Variants in ATR observed in about 807,000 individuals in gnomAD.
The protein encoded by ATR is serine/threonine-protein kinase ATR.
In ATR, 142 loss-of-function variants were observed where a neutral mutation model predicts 305.3. That is an observed-to-expected ratio of 0.47 (90% CI 0.41 to 0.53). ATR has a LOEUF of 0.53. ATR is among the 20% of genes least tolerant of loss of function. The pLI, the probability that ATR is intolerant of heterozygous loss-of-function variation, is 0.00. For synonymous variants in ATR, 1,050 were observed against 1,068.1 expected, an observed-to-expected ratio of 0.98 and a Z score of 0.33; for missense variants, 2,135 against 3,133.1, an observed-to-expected ratio of 0.68 and a Z score of 7.60.
In ATR at chr3:142,562,491, G is replaced by A. The variant is rs764261046; in HGVS notation, c.911C>T (p.Pro304Leu). 3.7e-6 allele frequency: 6 copies of A among 1,614,064 alleles called. No homozygotes were observed. Among genetic ancestry groups the A allele is most frequent in the Non-Finnish European group, 5.1e-6 (6 of 1,179,976 alleles). ...PLSKLIKTLF[P>L]FEAEAYRNIE... ...ATTTCTATAAGCTTCTGCTTCAAAG[G>A]GAAATAGTGTCTTTATCAGCTTTGA... Residue 304 changes from proline to leucine, a missense_variant, in exon 4 of 47, where the codon CCC becomes CTC. Pro to Leu is a moderately conservative substitution (Grantham distance 98). Coordinates refer to ENST00000350721, the MANE Select transcript of ATR (RefSeq NM_001184.4).
At chr3:142,500,182 G>A (rs2108345567) in intron 30 of ATR, 1 of 165,834 alleles carries the variant, frequency 6.0e-6, no homozygotes, top group East Asian at 1.8e-4. Flanking sequence ...CTTACGGACA[G>A]TTGGGAGGTA....
intron 35 of ATR, among the ~76,000 whole-genome samples, chr3:142,487,919 T>A (rs74427474): frequency 6.6e-6 from 1 of 152,214 alleles, no homozygotes; most frequent in Non-Finnish European, 1.5e-5. Context: ...TACAACAACA[T>A]TTATTGAAAA....
chr3:142,540,481 T>C (rs1349277171), intron 18 of ATR, among the ~76,000 whole-genome samples: 1 of 152,220 alleles, frequency 6.6e-6, no homozygotes, highest in African/African-American at 2.4e-5. Flanking sequence ...TAGATATTTC[T>C]ATTAATCCTG....
intron 36 of ATR, among the ~76,000 whole-genome samples, chr3:142,477,405 T>C (rs528756755): frequency 1.2e-4 from 18 of 152,162 alleles, no homozygotes; most frequent in Non-Finnish European, 2.1e-4. Flanking sequence ...TGTTGATTTG[T>C]GTATGTTGAA....
At chr3:142,472,939 C>G (rs141539090) in intron 36 of ATR, among the ~76,000 whole-genome samples, 41 of 152,232 alleles carry the variant, frequency 2.7e-4, no homozygotes, top group African/African-American at 9.1e-4. Flanking sequence ...CATGCCTGGC[C>G]AGGTGATTTG....
intron 25 of ATR, 26 bp from the exon 26 acceptor site, chr3:142,513,664 T>C (rs771672962): frequency 6.2e-7 from 1 of 1,609,776 alleles, no homozygotes; most frequent in South Asian, 1.1e-5. Flanking sequence ...GTGTAGACAG[T>C]AACACACTTT....
At chr3:142,522,053 G>T (rs2033169325) in intron 23 of ATR, among the ~76,000 whole-genome samples, 1 of 152,130 alleles carries the variant, frequency 6.6e-6, no homozygotes, top group Non-Finnish European at 1.5e-5. Flanking sequence ...ATTTTTTTAA[G>T]AAATTGCCAC....
chr3:142,568,979 G>A (rs1344155516), intron 1 of ATR, among the ~76,000 whole-genome samples: 1 of 152,140 alleles, frequency 6.6e-6, no homozygotes, highest in Non-Finnish European at 1.5e-5. Context: ...CAGGTTGATG[G>A]CAGCAGGAAG....
intron 8 of ATR, 79 bp downstream of exon 8, chr3:142,558,545 A>ATAG: frequency 9.6e-7 from 1 of 1,042,442 alleles, no homozygotes. Flanking sequence ...TAAATAAATA[A>ATAG]ATAAATAAAT....
chr3:142,465,881 C>T lies in ATR; in HGVS notation c.6897+443G>A, dbSNP rs567608013. On this transcript the variant is annotated intron_variant, in intron 40 of 46. Coordinates refer to ENST00000350721, the MANE Select transcript of ATR (RefSeq NM_001184.4). Reference sequence around the variant, plus strand: ...ATTAGCTGGGCATGGTGACATGCACCTGTAGTCCCAGCTACTCAGGAGGCT... The same window carrying T: ...ATTAGCTGGGCATGGTGACATGCACTTGTAGTCCCAGCTACTCAGGAGGCT... The T allele has an allele frequency of 1.2e-4, 22 of 182,222 alleles. No homozygotes were observed. In the South Asian group the frequency reaches 2.4e-3, roughly 20 times the overall value. The allele number at this position is 182,222 out of a possible 1,614,324, so 11.3% of individuals were successfully genotyped here. A position where few individuals can be genotyped will look rare whatever the true frequency, so the allele number is the denominator to read the frequency against.
intron 25 of ATR, 143 bp from the exon 26 acceptor site, chr3:142,513,781 T>C (rs2108375978): frequency 1.0e-6 from 1 of 960,220 alleles, no homozygotes; most frequent in African/African-American, 1.7e-5. Context: ...AATTAAATTA[T>C]TTGGGGTTAA....
Position 142,450,536 on chromosome 3 carries a change from G to A in ATR, c.7762-934C>T, listed in dbSNP as rs1393099922. On this transcript the variant is annotated intron_variant, in intron 46 of 46. Coordinates refer to ENST00000350721, the MANE Select transcript of ATR (RefSeq NM_001184.4). ...GCTATTTCTCATATCCAGAAAATCA[G>A]ATCAAGGGAAGTACCCTTTGAAGCA... 5 of 1,606,388 alleles carry A rather than the reference G, an allele frequency of 3.1e-6. No individual in the cohort carries two copies. The East Asian group carries it at 1.1e-4, about 36-fold the overall frequency.
At chr3:142,502,265 C>T (rs1241357703) in intron 30 of ATR, among the ~76,000 whole-genome samples, 3 of 152,154 alleles carry the variant, frequency 2.0e-5, no homozygotes, top group South Asian at 2.1e-4. Context: ...TACATACACT[C>T]GTATGTTCAT....
intron 36 of ATR, among the ~76,000 whole-genome samples, chr3:142,475,344 C>A (rs538753848): frequency 7.2e-5 from 11 of 152,048 alleles, no homozygotes; most frequent in African/African-American, 2.7e-4. Context: ...TGAGAACATG[C>A]GGTGTTTGGT....
At chr3:142,572,065 CCTTTT>C (rs2035283815) in intron 1 of ATR, among the ~76,000 whole-genome samples, 1 of 149,526 alleles carries the variant, frequency 6.7e-6, no homozygotes, top group Non-Finnish European at 1.5e-5. Flanking sequence ...CGCACCCGGC[CCTTTT>C]TCTTTTTTTT....
chr3:142,537,855 A>G (rs2108430931), intron 19 of ATR, among the ~76,000 whole-genome samples: 1 of 152,334 alleles, frequency 6.6e-6, no homozygotes, highest in African/African-American at 2.4e-5. Flanking sequence ...CACACTGGCT[A>G]TAGCCTAATG....
intron 27 of ATR, among the ~76,000 whole-genome samples, chr3:142,508,366 T>C (rs1234401539): frequency 6.6e-6 from 1 of 152,186 alleles, no homozygotes. Context: ...AGGAAAATGT[T>C]AGTACCTGTC....
intron 10 of ATR, 22 bp downstream of exon 10, chr3:142,555,855 T>C (rs2108470072): frequency 1.3e-6 from 2 of 1,595,734 alleles, no homozygotes; most frequent in South Asian, 2.3e-5. Context: ...TTTAAAGTAT[T>C]AAATAAGTCA....
At chr3:142,499,550 G>C in intron 31 of ATR, 77 bp downstream of exon 31, 1 of 1,357,328 alleles carries the variant, frequency 7.4e-7, no homozygotes, top group East Asian at 2.4e-5. Flanking sequence ...CGCCTCAGCC[G>C]CCCAAAGTGC....
Sources: gnomAD v4.1 joint callset for allele counts (sites outside exome capture counted in the v4.1 genomes callset) on GRCh38, gnomAD v4.1.1 for gene constraint, MANE v1.5 for transcripts, NCBI Gene and HGNC (gene_info 2026-07-23, HGNC 2026-07-21) for gene names.